The following CCSER1 variants were observed in gnomAD, a reference collection of about 807,000 sequenced individuals.
The protein encoded by CCSER1 is coiled-coil serine rich protein 1.
A neutral mutation model predicts 82.0 loss-of-function variants in CCSER1; 41 were observed. The ratio of observed to expected loss-of-function variants is 0.50; its 90% CI spans 0.39 to 0.65. The LOEUF (loss-of-function observed/expected upper bound fraction) is 0.65. Ranked by LOEUF, CCSER1 falls within the 30% of genes least tolerant of loss-of-function variation. The pLI is 0.00. For missense variants in CCSER1, 1,119 were observed against 1,064.2 expected (o/e 1.05, Z -0.72); for synonymous variants, 414 against 383.9 (o/e 1.08, Z -0.92).
chr4:91,348,365 G>T (rs1748217334), intron 10 of CCSER1, among the ~76,000 whole-genome samples: 1 of 152,040 alleles, frequency 6.6e-6, no homozygotes, highest in Non-Finnish European at 1.5e-5. Flanking sequence ...TATATACATT[G>T]TTGGATTTAA....
chr4:91,028,413 T>C (rs1353593650), intron 9 of CCSER1, among the ~76,000 whole-genome samples: 2 of 151,912 alleles, frequency 1.3e-5, no homozygotes, highest in African/African-American at 2.4e-5. Flanking sequence ...GGGGGGAATA[T>C]TGCTGAATTA....
intron 1 of CCSER1, among the ~76,000 whole-genome samples, chr4:90,167,888 G>T (rs1398706320): frequency 1.3e-5 from 2 of 152,126 alleles, no homozygotes; most frequent in African/African-American, 4.8e-5. Context: ...TGGACATTTG[G>T]GTTGGTTCCA....
intron 1 of CCSER1, among the ~76,000 whole-genome samples, chr4:90,300,268 G>T (rs1248266284): frequency 6.6e-6 from 1 of 151,918 alleles, no homozygotes; most frequent in African/African-American, 2.4e-5. Context: ...AGACTGGTTG[G>T]GACACATGTT....
intron 10 of CCSER1, among the ~76,000 whole-genome samples, chr4:91,155,984 G>A (rs567390474): frequency 2.6e-5 from 4 of 151,656 alleles, no homozygotes; most frequent in African/African-American, 7.3e-5. Flanking sequence ...TTTAACTGTG[G>A]CAAGAAAAGT....
intron 10 of CCSER1, among the ~76,000 whole-genome samples, chr4:91,199,057 A>G (rs1454184035): frequency 6.6e-6 from 1 of 152,132 alleles, no homozygotes; most frequent in Non-Finnish European, 1.5e-5. Context: ...AATTGCCATG[A>G]AATTCTGAAA....
At chr4:91,523,644 T>G (rs974748969) in intron 10 of CCSER1, among the ~76,000 whole-genome samples, 1 of 152,198 alleles carries the variant, frequency 6.6e-6, no homozygotes, top group African/African-American at 2.4e-5. Flanking sequence ...TCTTTTAGAT[T>G]TTCTAGTTTA....
chr4:90,849,374 A>T (rs1763574121), intron 8 of CCSER1, among the ~76,000 whole-genome samples: 2 of 152,172 alleles, frequency 1.3e-5, no homozygotes, highest in African/African-American at 2.4e-5. Flanking sequence ...AGATCTGTGG[A>T]ACTTTTAACT....
At chr4:90,857,898 G>A (rs1466388279) in intron 8 of CCSER1, among the ~76,000 whole-genome samples, 1 of 151,940 alleles carries the variant, frequency 6.6e-6, no homozygotes, top group Non-Finnish European at 1.5e-5. Flanking sequence ...CTTGCCATAG[G>A]GAGAAAATGG....
chr4:90,286,532 A>G (rs992523395), intron 1 of CCSER1, among the ~76,000 whole-genome samples: 1 of 151,988 alleles, frequency 6.6e-6, no homozygotes, highest in African/African-American at 2.4e-5. Flanking sequence ...AAAGGTTAAT[A>G]TAACATAAAT....
chr4:91,007,908 G>A (rs189206921), intron 9 of CCSER1, among the ~76,000 whole-genome samples: 2 of 151,958 alleles, frequency 1.3e-5, no homozygotes, highest in Non-Finnish European at 2.9e-5. Context: ...TACTGCTTTT[G>A]CTGTATCCCA....
intron 6 of CCSER1, among the ~76,000 whole-genome samples, chr4:90,713,190 G>A (rs1274130638): frequency 6.6e-6 from 1 of 151,956 alleles, no homozygotes; most frequent in Admixed American, 6.6e-5. Flanking sequence ...TCATAATGAT[G>A]CTAGCTGGTT....
chr4:90,532,726 A>G (rs2153631131), intron 5 of CCSER1, among the ~76,000 whole-genome samples: 1 of 152,192 alleles, frequency 6.6e-6, no homozygotes. Context: ...ATTCTTTTCT[A>G]TTTCTTACAT....
At chr4:90,551,129 T>G (rs1446148314) in intron 5 of CCSER1, among the ~76,000 whole-genome samples, 1 of 152,142 alleles carries the variant, frequency 6.6e-6, no homozygotes, top group East Asian at 1.9e-4. Context: ...TGTCATAAAT[T>G]TATATAGTTT....
chr4:90,404,217 A>C (rs143335035), intron 4 of CCSER1: 1,535 of 152,370 alleles, frequency 0.01, 15 homozygotes, highest in South Asian at 0.03. Context: ...CTGGCAAATT[A>C]TATGACTCAG....
intron 9 of CCSER1, among the ~76,000 whole-genome samples, chr4:91,007,434 T>C (rs1738610186): frequency 6.6e-6 from 1 of 152,178 alleles, no homozygotes; most frequent in South Asian, 2.1e-4. Flanking sequence ...CATTGCTGGA[T>C]GAATTAATTA....
At chr4:90,230,780 T>A (rs1426266616) in intron 1 of CCSER1, among the ~76,000 whole-genome samples, 5 of 151,704 alleles carry the variant, frequency 3.3e-5, no homozygotes, top group African/African-American at 1.2e-4. Flanking sequence ...TAAAAAATGA[T>A]AAAGGGGATA....
At chr4:91,057,609 C>G (rs1743567130) in intron 9 of CCSER1, among the ~76,000 whole-genome samples, 1 of 152,080 alleles carries the variant, frequency 6.6e-6, no homozygotes, top group African/African-American at 2.4e-5. Context: ...CAAGGCTGCT[C>G]TTTCGTTAAT....
chr4:91,317,297 A>G (rs1745901293), intron 10 of CCSER1, among the ~76,000 whole-genome samples: 1 of 151,946 alleles, frequency 6.6e-6, no homozygotes. Context: ...CTATTATTCC[A>G]ACACATCCCT....
chr4:91,380,094 G>T (rs1391363963), intron 10 of CCSER1, among the ~76,000 whole-genome samples: 1 of 151,968 alleles, frequency 6.6e-6, no homozygotes, highest in African/African-American at 2.4e-5. Context: ...TAGTTTGATT[G>T]CACTGTGGTC....
Sources: gnomAD v4.1 joint callset for allele counts (sites outside exome capture counted in the v4.1 genomes callset) on GRCh38, gnomAD v4.1.1 for gene constraint, MANE v1.5 for transcripts, NCBI Gene and HGNC (gene_info 2026-07-23, HGNC 2026-07-21) for gene names.